SPAG16: variants seen among roughly 807,000 people sequenced by gnomAD.
SPAG16 encodes the protein sperm associated antigen 16.
A neutral mutation model predicts 80.4 loss-of-function variants in SPAG16; 86 were observed. That is an observed-to-expected ratio of 1.07 (90% CI 0.90 to 1.28). The LOEUF is 1.28. SPAG16 is among the 50% of genes most tolerant of loss of function. SPAG16 has a pLI of 0.00. For missense variants in SPAG16, 870 were observed against 765.3 expected, an observed-to-expected ratio of 1.14 and a Z score of -1.61; for synonymous variants, 294 against 265.9, an observed-to-expected ratio of 1.11 and a Z score of -1.03.
At chr2:214,315,566 C>G (rs1057195527) in intron 15 of SPAG16, among the ~76,000 whole-genome samples, 9 of 151,856 alleles carry the variant, frequency 5.9e-5, no homozygotes, top group African/African-American at 2.2e-4. Flanking sequence ...AGGTCTTGCT[C>G]TGTCACTCAA....
chr2:213,311,867 A>G (rs1450647314), intron 4 of SPAG16, among the ~76,000 whole-genome samples: 2 of 151,532 alleles, frequency 1.3e-5, no homozygotes, highest in African/African-American at 4.8e-5. Flanking sequence ...ATCTTTCAAA[A>G]CATGACCAAA....
rs113263743 is a variant in SPAG16 at position 213,891,932 on chromosome 2, A to G, written c.1214+29304A>G. 8.5e-4 allele frequency among the ~76,000 whole-genome samples: 129 copies of G among 152,296 alleles called. 2 individuals carry two copies. Among genetic ancestry groups the G allele is most frequent in the African/African-American group, 3.0e-3 (124 of 41,574 alleles). ...CATATTGGGTAGCCTGGCAGGAGAC[A>G]TGTTTCTGTTTTTACTCACAGAAAG... is the stretch of plus-strand genomic sequence containing the variant. On this transcript the variant is annotated intron_variant, in intron 11 of 15. Coordinates refer to ENST00000331683, the MANE Select transcript of SPAG16 (RefSeq NM_024532.5).
At chr2:213,491,823 A>G (rs950222634) in intron 10 of SPAG16, among the ~76,000 whole-genome samples, 2 of 152,234 alleles carry the variant, frequency 1.3e-5, no homozygotes, top group African/African-American at 4.8e-5. Context: ...CCTGATTACT[A>G]CTACTGCAAC....
rs572899051 is a variant in SPAG16, at chr2:213,341,123, C to G, written c.644+853C>G. On this transcript the variant is annotated intron_variant, in intron 6 of 15. Transcript: ENST00000331683. ...AAGAAGCACACATTACTTTGTAATA[C>G]AGCTACACTTGGTGTATACTCAGAT... 8.5e-5 allele frequency among the ~76,000 whole-genome samples: 13 copies of G among 152,262 alleles called. No homozygotes were observed. The South Asian group carries it at 2.7e-3, about 32-fold the overall frequency.
At chr2:213,439,178 G>T (rs528390078) in intron 9 of SPAG16, among the ~76,000 whole-genome samples, 1 of 152,148 alleles carries the variant, frequency 6.6e-6, no homozygotes, top group African/African-American at 2.4e-5. Flanking sequence ...ATAAATTTGT[G>T]TTATTTTAAA....
At chr2:214,077,410 A>G (rs2051134136) in intron 13 of SPAG16, among the ~76,000 whole-genome samples, 1 of 152,234 alleles carries the variant, frequency 6.6e-6, no homozygotes, top group Admixed American at 6.5e-5. Context: ...TGTCTCATCT[A>G]TGCAAGAGGC....
intron 10 of SPAG16, among the ~76,000 whole-genome samples, chr2:213,844,350 A>T (rs2074507811): frequency 6.6e-6 from 1 of 152,198 alleles, no homozygotes; most frequent in Non-Finnish European, 1.5e-5. Context: ...AAATATCATA[A>T]TTGGTAAAAA....
At chr2:213,464,906 G>T (rs2072595010) in intron 9 of SPAG16, among the ~76,000 whole-genome samples, 1 of 152,148 alleles carries the variant, frequency 6.6e-6, no homozygotes, top group Non-Finnish European at 1.5e-5. Flanking sequence ...TTGAGAGGAG[G>T]CCCATTCTAT....
At chr2:214,130,658 A>T (rs1471979305) in intron 14 of SPAG16, among the ~76,000 whole-genome samples, 1 of 152,244 alleles carries the variant, frequency 6.6e-6, no homozygotes, top group Non-Finnish European at 1.5e-5. Context: ...AAATATATCA[A>T]AAGATATTGC....
At chr2:214,334,888 T>C (rs1697172741) in intron 15 of SPAG16, among the ~76,000 whole-genome samples, 2 of 152,290 alleles carry the variant, frequency 1.3e-5, no homozygotes, top group Admixed American at 6.5e-5. Flanking sequence ...ATAATCTAGA[T>C]CCACAATCTC....
chr2:214,165,000 G>T (rs558876367), intron 15 of SPAG16, among the ~76,000 whole-genome samples: 1 of 152,048 alleles, frequency 6.6e-6, no homozygotes, highest in Non-Finnish European at 1.5e-5. Flanking sequence ...TCATGAGTTT[G>T]CTACTTTCTA....
At chr2:214,099,012 C>T (rs1347372696) in intron 13 of SPAG16, among the ~76,000 whole-genome samples, 4 of 151,950 alleles carry the variant, frequency 2.6e-5, no homozygotes, top group African/African-American at 4.8e-5. Context: ...ACTTTCAAGT[C>T]GTGTCTGTTG....
chr2:213,528,788 T>G (rs981916822), intron 10 of SPAG16, among the ~76,000 whole-genome samples: 1 of 152,096 alleles, frequency 6.6e-6, no homozygotes, highest in Non-Finnish European at 1.5e-5. Context: ...GACAAAAAAA[T>G]TGCAAAACAA....
Position 213,932,199 on chromosome 2 carries a change from T to TTG in SPAG16, c.1400+2055_1400+2056insGT, listed in dbSNP as rs1559602695. 8.8e-3 allele frequency among the ~76,000 whole-genome samples: 1,209 copies of TTG among 136,948 alleles called. 23 individuals carry two copies. Among genetic ancestry groups the TTG allele is most frequent in the African/African-American group, 0.031 (1,077 of 34,960 alleles). The allele number at this position is 136,948 out of a possible 152,430, so 89.8% of individuals were successfully genotyped here. ...ATATATATATATATATATATATATA[T>TTG]TTGTTGTTGTTGTTGTTGTTGTTGT... On this transcript the variant is annotated intron_variant, in intron 12 of 15. Coordinates refer to ENST00000331683, the MANE Select transcript of SPAG16 (RefSeq NM_024532.5).
Position 214,410,385 on chromosome 2 carries a change from A to T in SPAG16, c.*70A>T. 2 of 1,413,912 alleles carry T rather than the reference A, an allele frequency of 1.4e-6. No individual in the cohort carries two copies. The highest frequency in any genetic ancestry group is 2.8e-5 in the South Asian group (2 of 72,656). The allele number at this position is 1,413,912 out of a possible 1,614,324, so 87.6% of individuals were successfully genotyped here. A position where few individuals can be genotyped will look rare whatever the true frequency, so the allele number is the denominator to read the frequency against. On this transcript the variant is annotated 3_prime_UTR_variant, in exon 16 of 16. Transcript: ENST00000331683. ...AAAATGCCTCCTGTAGTCCCAAACC[A>T]GCAAAGAACTGGTTAAATGTGCCAG...
chr2:213,294,343 A>G (rs1177416863), intron 1 of SPAG16, among the ~76,000 whole-genome samples: 1 of 152,206 alleles, frequency 6.6e-6, no homozygotes, highest in Non-Finnish European at 1.5e-5. Flanking sequence ...ACAGATTGCT[A>G]GTAGAAGCCT....
At chr2:214,057,126 C>T (rs1292777757) in intron 13 of SPAG16, among the ~76,000 whole-genome samples, 1 of 151,438 alleles carries the variant, frequency 6.6e-6, no homozygotes, top group East Asian at 1.9e-4. Context: ...CTTTATATTT[C>T]GATCCCCTCC....
At chr2:214,056,245 T>C (rs1559741467) in intron 13 of SPAG16, among the ~76,000 whole-genome samples, 1 of 151,392 alleles carries the variant, frequency 6.6e-6, no homozygotes, top group Admixed American at 6.6e-5. Context: ...AATCAAAATG[T>C]CTTGAATTTT....
At chr2:214,250,617 C>T (rs12464269) in intron 15 of SPAG16, among the ~76,000 whole-genome samples, 47,006 of 145,660 alleles carry the variant, frequency 0.32, 7,726 homozygotes, top group East Asian at 0.5. Flanking sequence ...ATTAAAGCTC[C>T]TTTAGAAAAA....
Sources: gnomAD v4.1 joint callset for allele counts (sites outside exome capture counted in the v4.1 genomes callset) on GRCh38, gnomAD v4.1.1 for gene constraint, MANE v1.5 for transcripts, NCBI Gene and HGNC (gene_info 2026-07-23, HGNC 2026-07-21) for gene names.